The following ALOX5 variants were observed in gnomAD, a reference collection of about 807,000 sequenced individuals.
The protein encoded by ALOX5 is polyunsaturated fatty acid 5-lipoxygenase.
In ALOX5, 64 loss-of-function variants were observed where a neutral mutation model predicts 87.9. The observed-to-expected ratio is 0.73, with a 90% CI of 0.60 to 0.90. The LOEUF is 0.90. Ranked by LOEUF, ALOX5 falls within the 40% of genes least tolerant of loss-of-function variation. The pLI, the probability that ALOX5 is intolerant of heterozygous loss-of-function variation, is 0.00. For synonymous variants in ALOX5, 388 were observed against 355.1 expected (o/e 1.09, Z -1.04); for missense variants, 822 against 907.5 (o/e 0.91, Z 1.21).
At chr10:45,403,894 G>C (rs1840786451) in intron 3 of ALOX5, among the ~76,000 whole-genome samples, 1 of 152,140 alleles carries the variant, frequency 6.6e-6, no homozygotes. Flanking sequence ...CCCTGTTTCA[G>C]ACACCTATGG....
intron 2 of ALOX5, among the ~76,000 whole-genome samples, 181 bp downstream of exon 2, chr10:45,382,862 C>A (rs1839890970): frequency 6.6e-6 from 1 of 152,242 alleles, no homozygotes; most frequent in Admixed American, 6.5e-5. Context: ...TTCTTACAAG[C>A]CCCTGAGGGT....
chr10:45,375,710 C>CT (rs60771955), intron 1 of ALOX5, among the ~76,000 whole-genome samples: 25,527 of 152,196 alleles, frequency 0.17, 2,198 homozygotes, highest in South Asian at 0.19. Flanking sequence ...ATCCAGGAGC[C>CT]CATACCCTCG....
chr10:45,382,827 G>A (rs1839890145), intron 2 of ALOX5, 146 bp downstream of exon 2: 2 of 971,702 alleles, frequency 2.1e-6, no homozygotes, highest in Admixed American at 2.5e-5. Context: ...CGACACACCT[G>A]CAGGAGGCAT....
intron 1 of ALOX5, 76 bp from the exon 2 acceptor site, chr10:45,382,407 G>T: frequency 6.6e-7 from 1 of 1,525,640 alleles, no homozygotes; most frequent in Non-Finnish European, 9.1e-7. Context: ...ATACCTTGGG[G>T]TGACAAATTC....
At chr10:45,426,280 T>A (rs975814834) in intron 6 of ALOX5, among the ~76,000 whole-genome samples, 2 of 150,670 alleles carry the variant, frequency 1.3e-5, no homozygotes, top group African/African-American at 5.0e-5. Flanking sequence ...GGAGTGGCCA[T>A]CCTCAGCACC....
In ALOX5 at chr10:45,445,617, G is replaced by GC; in HGVS notation, c.1956dup (p.Asn653GlnfsTer76). ...GCCATTGTCAGCGTGATTGCTGAGC[G>GC]CAACAAGAAGAAGCAGCTGCCATAT... On this transcript the variant is annotated frameshift_variant, in exon 14 of 14. Transcript: ENST00000374391. LOFTEE classifies it high-confidence loss of function. The GC allele has an allele frequency of 6.2e-7, 1 of 1,614,124 alleles. No individual in the cohort carries two copies. Among genetic ancestry groups the GC allele is most frequent in the South Asian group, 1.1e-5 (1 of 91,084 alleles).
Position 45,425,139 on chromosome 10 carries a change from G to C in ALOX5, c.834+7G>C. The C allele has an allele frequency of 6.2e-7, 1 of 1,611,968 alleles. No individual in the cohort carries two copies. The highest frequency in any genetic ancestry group is 8.5e-7 in the Non-Finnish European group (1 of 1,178,882). On this transcript the variant is annotated splice_region_variant and intron_variant, in intron 6 of 13. Transcript: ENST00000374391. The surrounding 1 kb of genome is among the most constrained non-coding windows in gnomAD (Gnocchi z 4.4). The stretch of plus-strand genomic sequence containing the variant: ...CTTGGAGCAGGAGGTCCAGGTAGGG[G>C]TTGATGGGCTGGGGAAGTGGCCAAG...
intron 3 of ALOX5, among the ~76,000 whole-genome samples, chr10:45,401,722 A>G (rs1460345415): frequency 6.6e-6 from 1 of 152,180 alleles, no homozygotes; most frequent in African/African-American, 2.4e-5. Flanking sequence ...AAACCCTTGT[A>G]TGTGAAATTT....
chr10:45,402,101 A>AAAT (rs1840722962), intron 3 of ALOX5, among the ~76,000 whole-genome samples: 1 of 151,344 alleles, frequency 6.6e-6, no homozygotes, highest in Non-Finnish European at 1.5e-5. Flanking sequence ...AAAAAAAAAA[A>AAAT]AAAAATCTTT....
chr10:45,384,533 T>C (rs182065110), intron 2 of ALOX5, among the ~76,000 whole-genome samples: 4 of 152,348 alleles, frequency 2.6e-5, no homozygotes, highest in East Asian at 1.9e-4. Flanking sequence ...CTGGCACCTC[T>C]AGGCTCCTTG....
Position 45,412,286 on chromosome 10 carries a change from T to C in ALOX5, c.527T>C (p.Val176Ala), listed in dbSNP as rs1273771379. ...RDIQFDSEKG[V>A]DFVLNYSKAM... Reference sequence around the variant, plus strand: ...ATCCAGTTTGATAGTGAAAAAGGAGTGGACTTTGTTCTGAATTACTCCAAA... The same window carrying C: ...ATCCAGTTTGATAGTGAAAAAGGAGCGGACTTTGTTCTGAATTACTCCAAA... Residue 176 changes from valine to alanine, a missense_variant, in exon 4 of 14, where the codon GTG becomes GCG. Transcript: ENST00000374391. The C allele has an allele frequency of 1.2e-6, 2 of 1,613,694 alleles. No homozygotes were observed. The highest frequency in any genetic ancestry group is 1.7e-6 in the Non-Finnish European group (2 of 1,179,954).
chr10:45,426,826 C>A (rs958175260), intron 6 of ALOX5, among the ~76,000 whole-genome samples: 4 of 152,150 alleles, frequency 2.6e-5, no homozygotes, highest in African/African-American at 9.7e-5. Flanking sequence ...AGGAGGGTTT[C>A]CTTATGTGGA....
intron 4 of ALOX5, among the ~76,000 whole-genome samples, chr10:45,421,133 G>A (rs906255537): frequency 5.3e-5 from 8 of 152,226 alleles, no homozygotes; most frequent in African/African-American, 1.7e-4. Context: ...TTACAAAAGC[G>A]GGTCTTCGAA....
intron 7 of ALOX5, among the ~76,000 whole-genome samples, chr10:45,438,989 G>A (rs1059696): frequency 0.18 from 27,195 of 152,024 alleles, 2,554 homozygotes; most frequent in African/African-American, 0.2. Flanking sequence ...GATTTGGCTC[G>A]TCCAAACCAA....
At chr10:45,432,229 G>A (rs575630067) in intron 7 of ALOX5, among the ~76,000 whole-genome samples, 62 of 151,634 alleles carry the variant, frequency 4.1e-4, no homozygotes, top group African/African-American at 1.2e-3. Context: ...GTATGGTGGC[G>A]CATGCCTGTA....
chr10:45,413,798 AACAG>A (rs376205582), intron 4 of ALOX5, among the ~76,000 whole-genome samples: 4,343 of 152,254 alleles, frequency 0.029, 140 homozygotes, highest in African/African-American at 0.075. Flanking sequence ...ATATACCAAT[AACAG>A]ACAGACAGCC....
intron 3 of ALOX5, among the ~76,000 whole-genome samples, chr10:45,403,648 A>G (rs1416572782): frequency 6.6e-6 from 1 of 152,254 alleles, no homozygotes; most frequent in Non-Finnish European, 1.5e-5. Flanking sequence ...AATCAAAAAT[A>G]AAACTTACAT....
At chr10:45,378,913 C>G (rs915146925) in intron 1 of ALOX5, among the ~76,000 whole-genome samples, 3 of 152,142 alleles carry the variant, frequency 2.0e-5, no homozygotes, top group Non-Finnish European at 2.9e-5. Flanking sequence ...AGATGGAGTC[C>G]TTGTAAATCT....
At chr10:45,442,953 C>T (rs1295120838) in intron 9 of ALOX5, 85 bp from the exon 10 acceptor site, 1 of 1,449,766 alleles carries the variant, frequency 6.9e-7, no homozygotes, top group Non-Finnish European at 9.3e-7. Flanking sequence ...GGCCTCCTCG[C>T]CTCCCCTGGC....
Sources: allele counts gnomAD v4.1 joint callset (sites outside exome capture counted in the v4.1 genomes callset), GRCh38; gene constraint gnomAD v4.1.1; non-coding constraint Gnocchi (gnomAD v3.1); transcripts MANE v1.5; gene names NCBI Gene and HGNC (gene_info 2026-07-23, HGNC 2026-07-21).